The following RNF150 variants were observed in gnomAD, a reference collection of about 807,000 sequenced individuals.
RNF150 encodes the protein ring finger protein 150.
Under a neutral mutation model 39.3 loss-of-function variants are expected in RNF150, and 24 were observed. The ratio of observed to expected loss-of-function variants is 0.61; its 90% CI spans 0.44 to 0.86. RNF150 has a LOEUF of 0.86. Ranked by LOEUF, RNF150 falls within the 40% of genes least tolerant of loss-of-function variation. The pLI is 0.00. For missense variants in RNF150, 502 were observed against 587.8 expected (o/e 0.85, Z 1.51); for synonymous variants, 255 against 227.3 (o/e 1.12, Z -1.10).
chr4:140,886,938 A>C (rs766319691), intron 6 of RNF150, among the ~76,000 whole-genome samples: 6 of 152,224 alleles, frequency 3.9e-5, no homozygotes, highest in Non-Finnish European at 7.3e-5. Context: ...TTTAGCTTTT[A>C]CATAGAGATC....
chr4:140,866,674 G>T lies in RNF150; in HGVS notation c.*1587C>A, dbSNP rs1728723023. 1 of 152,184 alleles carries T rather than the reference G, an allele frequency of 6.6e-6. No individual in the cohort carries two copies. The highest frequency in any genetic ancestry group is 6.5e-5 in the Admixed American group (1 of 15,278). The allele number at this position is 152,184 out of a possible 1,614,324, so 9.4% of individuals were successfully genotyped here. On this transcript the variant is annotated 3_prime_UTR_variant, in exon 7 of 7. Coordinates refer to ENST00000515673, the MANE Select transcript of RNF150 (RefSeq NM_020724.2). ...CCAAACTCTTTTTGAATGAGTATTA[G>T]TCTAATGAGGTGGAAAAGTCCCCAT...
intron 1 of RNF150, among the ~76,000 whole-genome samples, chr4:141,010,565 T>C (rs1735038297): frequency 6.6e-6 from 1 of 152,176 alleles, no homozygotes; most frequent in Non-Finnish European, 1.5e-5. Flanking sequence ...TCTATCTTCT[T>C]CTCTTCATAA....
chr4:141,071,342 C>A (rs542793246), intron 1 of RNF150, among the ~76,000 whole-genome samples: 170 of 151,578 alleles, frequency 1.1e-3, no homozygotes, highest in African/African-American at 3.7e-3. Flanking sequence ...TGTAACTAAC[C>A]TGCACAATGT....
At chr4:141,095,971 A>G (rs940308231) in intron 1 of RNF150, among the ~76,000 whole-genome samples, 5 of 152,120 alleles carry the variant, frequency 3.3e-5, no homozygotes, top group Non-Finnish European at 5.9e-5. Context: ...GATGTATTTT[A>G]TATATTTTTT....
intron 6 of RNF150, among the ~76,000 whole-genome samples, chr4:140,875,163 G>GT (rs58742685): frequency 0.019 from 2,299 of 122,556 alleles, 49 homozygotes; most frequent in African/African-American, 0.029. Flanking sequence ...CAATCATTAC[G>GT]TTTTTTTTTT....
intron 1 of RNF150, among the ~76,000 whole-genome samples, chr4:141,177,674 A>G (rs1271564222): frequency 6.6e-6 from 1 of 152,134 alleles, no homozygotes; most frequent in African/African-American, 2.4e-5. Context: ...TTTCACACTC[A>G]GTTCTTGTTC....
chr4:140,999,953 AG>A (rs770010912), intron 1 of RNF150, among the ~76,000 whole-genome samples: 4 of 37,962 alleles, frequency 1.1e-4, no homozygotes, highest in Middle Eastern at 0.03. Flanking sequence ...AAGAAGAAGA[AG>A]AAGAAGAAGA....
chr4:141,185,953 T>C (rs1728000215), intron 1 of RNF150, among the ~76,000 whole-genome samples: 1 of 152,230 alleles, frequency 6.6e-6, no homozygotes, highest in African/African-American at 2.4e-5. Flanking sequence ...TTGAGGATTT[T>C]TGCATCGATG....
chr4:140,887,853 T>C (rs750770378), intron 6 of RNF150, among the ~76,000 whole-genome samples: 1 of 152,206 alleles, frequency 6.6e-6, no homozygotes, highest in Non-Finnish European at 1.5e-5. Flanking sequence ...TTTTAAATAA[T>C]GTGCCTAAAT....
At chr4:140,965,185 G>A (rs1733189380) in intron 2 of RNF150, among the ~76,000 whole-genome samples, 2 of 152,096 alleles carry the variant, frequency 1.3e-5, no homozygotes, top group Admixed American at 6.6e-5. Flanking sequence ...AAACCACTAT[G>A]AGATCACACC....
chr4:141,010,009 G>A (rs1193544794), intron 1 of RNF150, among the ~76,000 whole-genome samples: 4 of 152,178 alleles, frequency 2.6e-5, no homozygotes, highest in Admixed American at 6.5e-5. Flanking sequence ...TACTTGATGT[G>A]TTTGCTTTCC....
Position 141,185,043 on chromosome 4 carries a change from T to C in RNF150, c.-6+27751A>G, listed in dbSNP as rs974401229. ...TTTTGTTTCCATATGTAATTTAAAGTAGGGTTTTCTAGTTCTGTGAAGAAA... is the reference window on the plus strand; with the variant it reads ...TTTTGTTTCCATATGTAATTTAAAGCAGGGTTTTCTAGTTCTGTGAAGAAA... On this transcript the variant is annotated intron_variant, in intron 1 of 7. Coordinates refer to the RNF150 transcript ENST00000420921. Among the ~76,000 whole-genome samples, 17 of 151,880 alleles carry C rather than the reference T, an allele frequency of 1.1e-4. No individual in the cohort carries two copies. The East Asian group carries it at 2.1e-3, about 19-fold the overall frequency.
At chr4:141,135,268 C>T (rs547356462), upstream of RNF150, among the ~76,000 whole-genome samples, 1 of 152,296 alleles carries the variant, frequency 6.6e-6, no homozygotes, top group East Asian at 1.9e-4. Flanking sequence ...TACCATAGCT[C>T]TCTCCATTCA....
chr4:141,142,916 C>T (rs1284128444), intron 1 of RNF150, among the ~76,000 whole-genome samples: 3 of 151,452 alleles, frequency 2.0e-5, no homozygotes, highest in Non-Finnish European at 2.9e-5. Flanking sequence ...GTCACCCAGG[C>T]TGGAGTGCAG....
intron 4 of RNF150, among the ~76,000 whole-genome samples, chr4:140,938,053 C>T (rs1028871893): frequency 6.6e-6 from 1 of 152,104 alleles, no homozygotes; most frequent in African/African-American, 2.4e-5. Flanking sequence ...TTCGACTTCA[C>T]GAGTTATAGG....
intron 1 of RNF150, among the ~76,000 whole-genome samples, chr4:140,997,552 T>C (rs1734420169): frequency 6.6e-6 from 1 of 151,974 alleles, no homozygotes; most frequent in African/African-American, 2.4e-5. Flanking sequence ...AATCCAACAC[T>C]TAAAAGACAA....
intron 1 of RNF150, among the ~76,000 whole-genome samples, chr4:141,200,320 C>T (rs1237126531): frequency 6.6e-6 from 1 of 151,840 alleles, no homozygotes; most frequent in African/African-American, 2.4e-5. Context: ...ATGAGGATTC[C>T]ATCCTCATGA....
chr4:141,019,947 T>C (rs1056556455), intron 1 of RNF150, among the ~76,000 whole-genome samples: 1 of 152,148 alleles, frequency 6.6e-6, no homozygotes, highest in African/African-American at 2.4e-5. Flanking sequence ...TACAAACGTC[T>C]GGTTTGTGTC....
intron 1 of RNF150, among the ~76,000 whole-genome samples, chr4:141,015,762 C>T (rs773562117): frequency 1.3e-5 from 2 of 152,094 alleles, no homozygotes; most frequent in Non-Finnish European, 2.9e-5. Flanking sequence ...TACCTAATTG[C>T]TCTGGCTAGC....
Sources: gnomAD v4.1 joint callset for allele counts (sites outside exome capture counted in the v4.1 genomes callset) on GRCh38, gnomAD v4.1.1 for gene constraint, MANE v1.5 for transcripts, NCBI Gene and HGNC (gene_info 2026-07-23, HGNC 2026-07-21) for gene names.